Variants in HINFP observed in about 807,000 individuals in gnomAD.
HINFP encodes histone H4 transcription factor.
A neutral mutation model predicts 50.1 loss-of-function variants in HINFP; 20 were observed. The ratio of observed to expected loss-of-function variants is 0.40; its 90% CI spans 0.28 to 0.58. The LOEUF (loss-of-function observed/expected upper bound fraction) is 0.58, where lower values mean the gene tolerates loss of function less well. Ranked by LOEUF, HINFP falls within the 20% of genes least tolerant of loss-of-function variation. HINFP has a pLI of 0.45. For synonymous variants in HINFP, 247 were observed against 243.7 expected, an observed-to-expected ratio of 1.01 and a Z score of -0.13; for missense variants, 505 against 664.1, an observed-to-expected ratio of 0.76 and a Z score of 2.63.
At chr11:119,125,511 A>G (rs1176472238) in intron 1 of HINFP, 1 of 152,112 alleles carries the variant, frequency 6.6e-6, no homozygotes, top group African/African-American at 2.4e-5. Context: ...CACTACAAAA[A>G]CAAAACAAAA....
Position 119,131,685 on chromosome 11 carries a change from G to A in HINFP, c.523+39G>A, listed in dbSNP as rs367660648. 48 of 1,589,878 alleles carry A rather than the reference G, an allele frequency of 3.0e-5. No individual in the cohort carries two copies. The highest frequency in any genetic ancestry group is 6.7e-5 in the East Asian group (3 of 44,802). On this transcript the variant is annotated intron_variant, in intron 4 of 9. Transcript: ENST00000350777. The surrounding 1 kb of genome is among the most constrained non-coding windows in gnomAD (Gnocchi z 4.2). ...TTAACTTGTGGCTTCTGGAGGAAAC[G>A]CTGGGGTTCCTGAAGAGCTGGGACA...
chr11:119,131,992 CAGAGGA>C lies in HINFP; in HGVS notation c.676+13_676+18del, dbSNP rs1947787813. 6.2e-7 allele frequency: 1 copy of C among 1,613,696 alleles called. No homozygotes were observed. The highest frequency in any genetic ancestry group is 8.5e-7 in the Non-Finnish European group (1 of 1,179,956). ...CAGACCTCATTGGATCGTAAGTAGT[CAGAGGA>C]AGTGGGGTGGATGCAGGCTGTCCTG... On this transcript the variant is annotated intron_variant, in intron 5 of 9. Transcript: ENST00000350777. The surrounding 1 kb of genome is among the most constrained non-coding windows in gnomAD (Gnocchi z 4.2).
At chr11:119,133,036 A>C (rs1231570949) in intron 8 of HINFP, 34 bp downstream of exon 8, 1 of 1,614,172 alleles carries the variant, frequency 6.2e-7, no homozygotes, top group Non-Finnish European at 8.5e-7. Flanking sequence ...GGACTAGTGG[A>C]AGTATGGGGG....
At position 119,131,207 on chromosome 11, in the gene HINFP, G is replaced by A. The variant is rs929917963; in HGVS notation, c.411+253G>A. 3.1e-6 allele frequency: 2 copies of A among 649,860 alleles called. No homozygotes were observed. Among genetic ancestry groups the A allele is most frequent in the Non-Finnish European group, 5.7e-6 (2 of 353,902 alleles). 40.3% of individuals were successfully genotyped at this position (649,860 alleles called of 1,614,324 possible). ...GGGCTCAAGCAATCCTCCCACCTCA[G>A]CCTCCCAAGTAGCTAGGACTACAGG... is the stretch of plus-strand genomic sequence containing the variant. On this transcript the variant is annotated intron_variant, in intron 3 of 9. Coordinates refer to ENST00000350777, the MANE Select transcript of HINFP (RefSeq NM_198971.3). This position sits in a 1 kb window ranked among gnomAD's most constrained non-coding sequence, Gnocchi z 4.2.
chr11:119,132,431 C>T (rs1947815148), intron 5 of HINFP, 65 bp from the exon 6 acceptor site: 4 of 1,553,396 alleles, frequency 2.6e-6, no homozygotes, highest in South Asian at 1.1e-5. Flanking sequence ...GATGGTTCCC[C>T]TCTCCTTTCT....
rs754783592 is a variant in HINFP at position 119,134,256 on chromosome 11, C to T, written c.1312C>T (p.Arg438Cys). The T allele has an allele frequency of 8.7e-6, 14 of 1,613,916 alleles. No individual in the cohort carries two copies. Among genetic ancestry groups the T allele is most frequent in the African/African-American group, 2.7e-5 (2 of 74,904 alleles). The change falls in exon 10 of 10, where the codon CGT becomes TGT. Residue 438 changes from arginine to cysteine, a missense_variant. Transcript: ENST00000350777. The surrounding 1 kb of genome is among the most constrained non-coding windows in gnomAD (Gnocchi z 4.3). ...AGAAACAGTGCCAGGGGAGCCAGGA[C>T]GTAAGGAAGAGGAAGAGGAGGGCAA... ...ILETVPGEPG[R>C]KEEEEEGKGS...
chr11:119,128,733 T>G (rs1204583083), intron 2 of HINFP, among the ~76,000 whole-genome samples: 1 of 151,870 alleles, frequency 6.6e-6, no homozygotes, highest in Admixed American at 6.6e-5. Context: ...GGAGTCTTGC[T>G]CTGTCGCCAG....
At chr11:119,121,892 C>A (rs1947080363) in intron 1 of HINFP, 1 of 152,358 alleles carries the variant, frequency 6.6e-6, no homozygotes, top group Non-Finnish European at 1.5e-5. Flanking sequence ...ACGGGACGGT[C>A]TCCTTCCTTC....
At chr11:119,121,700 C>G (rs967158326) in intron 1 of HINFP, 61 bp downstream of exon 1, 1 of 152,504 alleles carries the variant, frequency 6.6e-6, no homozygotes, top group Non-Finnish European at 1.5e-5. Context: ...CGAGCCACCT[C>G]GGCGAGTATT....
In HINFP at chr11:119,134,014, T is replaced by C; in HGVS notation, c.1140-70T>C. On this transcript the variant is annotated intron_variant, in intron 9 of 9. Transcript: ENST00000350777. The surrounding 1 kb of genome is among the most constrained non-coding windows in gnomAD (Gnocchi z 4.3). Reference sequence around the variant, plus strand: ...TCCATCCCTCATGTTTGTTCCTTACTTTGCCAGCCTCGGCCATTTCTGTAT... The same window carrying C: ...TCCATCCCTCATGTTTGTTCCTTACCTTGCCAGCCTCGGCCATTTCTGTAT... 6.2e-7 allele frequency: 1 copy of C among 1,606,766 alleles called. No individual in the cohort carries two copies. Among genetic ancestry groups the C allele is most frequent in the South Asian group, 1.1e-5 (1 of 90,822 alleles).
At chr11:119,132,155 A>G in intron 5 of HINFP, 173 bp downstream of exon 5, 1 of 692,852 alleles carries the variant, frequency 1.4e-6, no homozygotes, top group Non-Finnish European at 2.4e-6. Flanking sequence ...AGGCATTGTT[A>G]TTCAGTACTT....
intron 9 of HINFP, 136 bp downstream of exon 9, chr11:119,133,355 C>T (rs1366298964): frequency 8.4e-6 from 9 of 1,073,338 alleles, no homozygotes; most frequent in East Asian, 2.4e-5. Flanking sequence ...CCAAGGTGGG[C>T]GGATCATGAG....
intron 9 of HINFP, 94 bp downstream of exon 9, chr11:119,133,313 G>A: frequency 6.6e-7 from 1 of 1,505,294 alleles, no homozygotes; most frequent in Non-Finnish European, 9.1e-7. Flanking sequence ...GGGCGCGGTG[G>A]CTCACGCCTG....
chr11:119,132,564 C>T lies in HINFP; in HGVS notation c.745C>T (p.Arg249Cys), dbSNP rs770419129. 2.5e-5 allele frequency: 40 copies of T among 1,614,022 alleles called. No homozygotes were observed. Among genetic ancestry groups the T allele is most frequent in the South Asian group, 2.1e-4 (19 of 91,092 alleles). Residue 249 changes from arginine to cysteine, a missense_variant, in exon 6 of 10, where the codon CGC becomes TGC. Coordinates refer to ENST00000350777, the MANE Select transcript of HINFP (RefSeq NM_198971.3). ...AGAGCGGCTATTGCGGGACCACATG[C>T]GCAACCATGGTGAGTGGCCTGCGGC... The part of the protein sequence containing the change: ...ATERLLRDHM[R>C]NHVNHYKCPL...
intron 1 of HINFP, chr11:119,122,030 G>T: frequency 6.6e-6 from 1 of 152,352 alleles, no homozygotes. Flanking sequence ...TGTTTCGGTC[G>T]TTGTCTTCAC....
chr11:119,131,946 T>C lies in HINFP; in HGVS notation c.640T>C (p.Phe214Leu). Residue 214 changes from phenylalanine (F) to leucine (L), a missense_variant, in exon 5 of 10, where the codon TTC becomes CTC. Physicochemically the swap from Phe to Leu is conservative, Grantham distance 22. Transcript: ENST00000350777. The surrounding 1 kb of genome is among the most constrained non-coding windows in gnomAD (Gnocchi z 4.2). Reference protein sequence around the residue: ...CGGMFANNTKFLDHIRRQTSL... With the variant: ...CGGMFANNTKLLDHIRRQTSL... ...GGGCATGTTTGCCAACAATACCAAG[T>C]TCTTAGATCACATCCGTCGCCAGAC... 6.2e-7 allele frequency: 1 copy of C among 1,614,048 alleles called. No individual in the cohort carries two copies. Among genetic ancestry groups the C allele is most frequent in the East Asian group, 2.2e-5 (1 of 44,882 alleles).
chr11:119,134,134 A>T lies in HINFP; in HGVS notation c.1190A>T (p.Glu397Val). ...ATGCGGCTGCAGCTGGTTCGCTACG[A>T]GAGTGTAGAGCTGACACAGCAACTG... ...GYMRLQLVRYESVELTQQLLR... is the reference protein window; with the variant it reads ...GYMRLQLVRYVSVELTQQLLR... The change falls in exon 10 of 10, where the codon GAG (glutamate) becomes GTG (valine). Residue 397 changes from glutamate to valine, a missense_variant. By Grantham distance (121) the Glu-to-Val change is moderately radical. Coordinates refer to ENST00000350777, the MANE Select transcript of HINFP (RefSeq NM_198971.3). The surrounding 1 kb of genome is among the most constrained non-coding windows in gnomAD (Gnocchi z 4.3). 1 of 1,614,188 alleles carries T rather than the reference A, an allele frequency of 6.2e-7. No homozygotes were observed. The highest frequency in any genetic ancestry group is 8.5e-7 in the Non-Finnish European group (1 of 1,180,036).
intron 1 of HINFP, chr11:119,125,472 C>G (rs1177166608): frequency 6.6e-6 from 1 of 152,088 alleles, no homozygotes; most frequent in Non-Finnish European, 1.5e-5. Flanking sequence ...GAATTCGAGA[C>G]CAGCCTGGGC....
chr11:119,132,467 C>T (rs754726645), intron 5 of HINFP, 29 bp from the exon 6 acceptor site: 1 of 1,611,240 alleles, frequency 6.2e-7, no homozygotes, highest in African/African-American at 1.3e-5. Flanking sequence ...CACCTACAGC[C>T]CTCCTTTCTT....
Sources: gnomAD v4.1 joint callset for allele counts (sites outside exome capture counted in the v4.1 genomes callset) on GRCh38, gnomAD v4.1.1 for gene constraint, Gnocchi (gnomAD v3.1) non-coding constraint, MANE v1.5 for transcripts, NCBI Gene and HGNC (gene_info 2026-07-23, HGNC 2026-07-21) for gene names.